The following RBFOX1 variants were observed in gnomAD, a reference collection of about 807,000 sequenced individuals.
The protein encoded by RBFOX1 is RNA binding protein fox-1 homolog 1.
RBFOX1 carries 8 observed loss-of-function variants against 57.7 expected under a neutral mutation model. That is an observed-to-expected ratio of 0.14 (90% CI 0.08 to 0.25). The LOEUF (loss-of-function observed/expected upper bound fraction) is 0.25, where lower values mean the gene tolerates loss of function less well. Ranked by LOEUF, RBFOX1 falls within the 10% of genes least tolerant of loss-of-function variation. The pLI is 1.00. For synonymous variants in RBFOX1, 326 were observed against 222.4 expected (o/e 1.47, Z -4.15); for missense variants, 611 against 548.5 (o/e 1.11, Z -1.14).
chr16:6,287,308 G>T (rs1357971722), intron 1 of RBFOX1, among the ~76,000 whole-genome samples: 1 of 152,170 alleles, frequency 6.6e-6, no homozygotes, highest in Non-Finnish European at 1.5e-5. Flanking sequence ...GGTGTTGCCA[G>T]CTCTATCTTG....
chr16:7,170,280 C>G (rs1330561520), intron 4 of RBFOX1, among the ~76,000 whole-genome samples: 1 of 152,054 alleles, frequency 6.6e-6, no homozygotes, highest in Non-Finnish European at 1.5e-5. Context: ...TAATTGAGCA[C>G]TCTGTTTTTA....
chr16:6,873,714 A>G (rs1026757043), intron 3 of RBFOX1, among the ~76,000 whole-genome samples: 2 of 152,188 alleles, frequency 1.3e-5, no homozygotes, highest in African/African-American at 4.8e-5. Context: ...TGTCACTATC[A>G]TCCTCTCATT....
chr16:5,607,242 A>G (rs2047616702), intron 3 of RBFOX1, among the ~76,000 whole-genome samples: 1 of 152,222 alleles, frequency 6.6e-6, no homozygotes, highest in African/African-American at 2.4e-5. Context: ...CATTAGGAGC[A>G]GGAGGACAAA....
chr16:7,317,057 C>T (rs1434948002), intron 4 of RBFOX1, among the ~76,000 whole-genome samples: 1 of 151,674 alleles, frequency 6.6e-6, no homozygotes, highest in Non-Finnish European at 1.5e-5. Flanking sequence ...TTACAAAGGC[C>T]AGTTTGGCTT....
intron 4 of RBFOX1, among the ~76,000 whole-genome samples, chr16:7,159,246 C>A (rs17670098): frequency 0.15 from 22,728 of 151,974 alleles, 1,952 homozygotes; most frequent in East Asian, 0.32. Flanking sequence ...ATCTACCACC[C>A]AAGAATCTTT....
chr16:6,888,037 T>C (rs1304205046), intron 3 of RBFOX1, among the ~76,000 whole-genome samples: 1 of 152,118 alleles, frequency 6.6e-6, no homozygotes, highest in Non-Finnish European at 1.5e-5. Flanking sequence ...AGGTGTTTGC[T>C]TGTGTGTCTG....
intron 4 of RBFOX1, among the ~76,000 whole-genome samples, chr16:5,998,958 A>C (rs572739589): frequency 2.4e-4 from 37 of 152,244 alleles, no homozygotes; most frequent in African/African-American, 8.4e-4. Flanking sequence ...GACTATCTGC[A>C]TTTCCCAGTC....
chr16:7,501,856 A>T (rs1029324417), intron 4 of RBFOX1, among the ~76,000 whole-genome samples: 1 of 152,104 alleles, frequency 6.6e-6, no homozygotes, highest in Non-Finnish European at 1.5e-5. Flanking sequence ...AGGCTATTCT[A>T]TGACTCCTGC....
intron 4 of RBFOX1, among the ~76,000 whole-genome samples, chr16:7,172,592 T>C (rs2061809): frequency 0.94 from 142,448 of 152,038 alleles, 66,829 homozygotes; most frequent in East Asian, 1. Context: ...GTTTCCTTCA[T>C]ATTGGAGAAA....
chr16:7,215,051 C>G (rs915027239), intron 4 of RBFOX1, among the ~76,000 whole-genome samples: 1 of 152,158 alleles, frequency 6.6e-6, no homozygotes, highest in African/African-American at 2.4e-5. Flanking sequence ...TGCTCTCCCT[C>G]TCCTTGTCTC....
At chr16:7,217,057 C>G (rs1424934776) in intron 4 of RBFOX1, among the ~76,000 whole-genome samples, 1 of 116,010 alleles carries the variant, frequency 8.6e-6, no homozygotes, top group Non-Finnish European at 1.7e-5. Context: ...CCCTCCCTCT[C>G]TCTCCCTCTC....
intron 3 of RBFOX1, among the ~76,000 whole-genome samples, chr16:5,676,537 G>A (rs142687270): frequency 1.3e-5 from 2 of 152,148 alleles, no homozygotes; most frequent in African/African-American, 4.8e-5. Flanking sequence ...ATGAGTTGTT[G>A]TGAGGATTGA....
chr16:7,299,980 A>T (rs1026989332), intron 4 of RBFOX1, among the ~76,000 whole-genome samples: 2 of 152,248 alleles, frequency 1.3e-5, no homozygotes, highest in Non-Finnish European at 2.9e-5. Flanking sequence ...GTATTAAACA[A>T]ATGTGAGGCT....
At chr16:7,217,690 T>G (rs1298593528) in intron 4 of RBFOX1, among the ~76,000 whole-genome samples, 1 of 152,234 alleles carries the variant, frequency 6.6e-6, no homozygotes, top group African/African-American at 2.4e-5. Flanking sequence ...AGGATTTTTT[T>G]GGTGAAGAGT....
At chr16:6,809,811 T>C (rs1299488440) in intron 3 of RBFOX1, among the ~76,000 whole-genome samples, 2 of 152,192 alleles carry the variant, frequency 1.3e-5, no homozygotes, top group African/African-American at 4.8e-5. Context: ...AAAAATCTTA[T>C]TCCAATTCTC....
intron 4 of RBFOX1, among the ~76,000 whole-genome samples, chr16:7,503,698 G>A (rs903608119): frequency 2.6e-5 from 4 of 152,178 alleles, no homozygotes; most frequent in African/African-American, 4.8e-5. Flanking sequence ...GCATACCCAG[G>A]AGGTGGAGAA....
chr16:7,417,094 G>A (rs1350986874), intron 4 of RBFOX1, among the ~76,000 whole-genome samples: 1 of 152,086 alleles, frequency 6.6e-6, no homozygotes, highest in Admixed American at 6.6e-5. Context: ...AAGAGTCCGG[G>A]CATGGTGGCT....
intron 3 of RBFOX1, among the ~76,000 whole-genome samples, chr16:6,656,811 T>G (rs1256980123): frequency 6.6e-6 from 1 of 152,102 alleles, no homozygotes; most frequent in East Asian, 1.9e-4. Context: ...AATGCCCAGT[T>G]AAAATTCTCA....
chr16:6,074,559 A>G (rs1156503156), intron 1 of RBFOX1, among the ~76,000 whole-genome samples: 2 of 152,212 alleles, frequency 1.3e-5, no homozygotes, highest in Non-Finnish European at 2.9e-5. Flanking sequence ...ACTTTACTCA[A>G]GAGGGACTAT....
Sources: gnomAD v4.1 joint callset for allele counts (sites outside exome capture counted in the v4.1 genomes callset) on GRCh38, gnomAD v4.1.1 for gene constraint, MANE v1.5 for transcripts, NCBI Gene and HGNC (gene_info 2026-07-23, HGNC 2026-07-21) for gene names.